Variants in PCDH11X observed in about 807,000 individuals in gnomAD.
The protein encoded by PCDH11X is protocadherin 11 X-linked.
Under a neutral mutation model 53.3 loss-of-function variants are expected in PCDH11X, and 18 were observed. The ratio of observed to expected loss-of-function variants is 0.34; its 90% CI spans 0.23 to 0.50. The LOEUF is 0.50. Among genes scored for constraint, PCDH11X ranks in the 20% least tolerant of loss-of-function variants. The pLI is 0.98. For synonymous variants in PCDH11X, 279 were observed against 393.3 expected (o/e 0.71, Z 3.44); for missense variants, 570 against 1,032.4 (o/e 0.55, Z 6.14).
At chrX:92,421,070 G>A (rs919478708) in intron 9 of PCDH11X, among the ~76,000 whole-genome samples, 4 of 111,147 alleles carry the variant, frequency 3.6e-5, no homozygotes, top group East Asian at 2.8e-4. Flanking sequence ...TGTCATCTCC[G>A]TTCTGCTCTC....
intron 6 of PCDH11X, among the ~76,000 whole-genome samples, chrX:91,931,841 G>A (rs962295587): frequency 1.3e-4 from 14 of 110,582 alleles, no homozygotes; most frequent in South Asian, 7.6e-4. Context: ...TTTATTTTAC[G>A]TTCCAGGGTG....
At chrX:92,582,848 G>A in intron 10 of PCDH11X, among the ~76,000 whole-genome samples, 1 of 109,145 alleles carries the variant, frequency 9.2e-6, no homozygotes, top group Non-Finnish European at 1.9e-5. Context: ...TCTTGCATTA[G>A]CGTGACCTGG....
At chrX:92,533,806 G>T (rs2074604965) in intron 10 of PCDH11X, among the ~76,000 whole-genome samples, 1 of 103,526 alleles carries the variant, frequency 9.7e-6, no homozygotes, top group African/African-American at 3.6e-5. Context: ...TGCAGCTGAG[G>T]GTCCTGACTG....
intron 8 of PCDH11X, among the ~76,000 whole-genome samples, chrX:92,387,416 T>C (rs1204572285): frequency 8.9e-6 from 1 of 112,378 alleles, no homozygotes; most frequent in Non-Finnish European, 1.9e-5. Context: ...AATAAATACA[T>C]GTTAAAATTA....
At chrX:92,449,535 C>A (rs2072734937) in intron 9 of PCDH11X, among the ~76,000 whole-genome samples, 1 of 111,148 alleles carries the variant, frequency 9.0e-6, no homozygotes, top group African/African-American at 3.3e-5. Context: ...TACACAAATA[C>A]CCCATTTTAA....
chrX:92,357,421 C>A (rs2070236792), intron 8 of PCDH11X, among the ~76,000 whole-genome samples: 1 of 110,555 alleles, frequency 9.0e-6, no homozygotes, highest in African/African-American at 3.3e-5. Context: ...TTTGTTCCTA[C>A]CAAAATTCAT....
chrX:91,983,339 C>A (rs2062174261), intron 6 of PCDH11X: 6 of 1,094,382 alleles, frequency 5.5e-6, no homozygotes, highest in Middle Eastern at 3.3e-4. Context: ...TTCCAGACTG[C>A]CCGTCACTTT....
At chrX:92,235,475 A>T (rs774759489) in intron 7 of PCDH11X, among the ~76,000 whole-genome samples, 1 of 110,812 alleles carries the variant, frequency 9.0e-6, no homozygotes. Context: ...TCGAAAGCCC[A>T]CTCTCTCTTT....
intron 10 of PCDH11X, among the ~76,000 whole-genome samples, chrX:92,557,327 C>T (rs745494686): frequency 9.0e-6 from 1 of 110,824 alleles, no homozygotes; most frequent in Admixed American, 9.6e-5. Flanking sequence ...ATTTTCCAAA[C>T]GTTTATGCTC....
At chrX:92,090,891 A>G (rs1454005940) in intron 6 of PCDH11X, among the ~76,000 whole-genome samples, 1 of 112,182 alleles carries the variant, frequency 8.9e-6, no homozygotes, top group Non-Finnish European at 1.9e-5. Context: ...GAAGTTCGTG[A>G]GAGCAGTTCA....
At chrX:92,449,589 A>G (rs1231970193) in intron 9 of PCDH11X, among the ~76,000 whole-genome samples, 1 of 111,916 alleles carries the variant, frequency 8.9e-6, no homozygotes, top group Non-Finnish European at 1.9e-5. Flanking sequence ...TATTTGCACA[A>G]ATTTCACAAA....
intron 6 of PCDH11X, among the ~76,000 whole-genome samples, chrX:92,101,792 G>A (rs2064258981): frequency 9.0e-6 from 1 of 110,599 alleles, no homozygotes; most frequent in Non-Finnish European, 1.9e-5. Flanking sequence ...CCTTGAGCTT[G>A]ATGTGTAGGG....
intron 10 of PCDH11X, among the ~76,000 whole-genome samples, chrX:92,598,065 G>C (rs1925824385): frequency 9.0e-6 from 1 of 111,463 alleles, no homozygotes; most frequent in Non-Finnish European, 1.9e-5. Flanking sequence ...ACCTCAAACT[G>C]TGAAACCATT....
intron 8 of PCDH11X, among the ~76,000 whole-genome samples, chrX:92,295,912 T>G (rs2068598166): frequency 9.2e-6 from 1 of 109,142 alleles, no homozygotes; most frequent in Non-Finnish European, 1.9e-5. Context: ...AAACCTCATC[T>G]CTACTAAAAA....
intron 8 of PCDH11X, among the ~76,000 whole-genome samples, chrX:92,342,290 A>T (rs1312611312): frequency 9.0e-6 from 1 of 110,606 alleles, no homozygotes; most frequent in African/African-American, 3.3e-5. Context: ...TATCAAACAA[A>T]CAAACAAACA....
chrX:92,017,902 G>T (rs1295793206), intron 6 of PCDH11X, among the ~76,000 whole-genome samples: 2 of 99,796 alleles, frequency 2.0e-5, no homozygotes, highest in African/African-American at 7.5e-5. Context: ...GAAGCACAAC[G>T]AAATGAAGCA....
chrX:91,883,882 C>T (rs2147746796), intron 6 of PCDH11X: 1 of 749,356 alleles, frequency 1.3e-6, no homozygotes, highest in South Asian at 6.9e-5. Flanking sequence ...TGTTCCACTC[C>T]TTTTAATTAT....
intron 9 of PCDH11X, among the ~76,000 whole-genome samples, chrX:92,412,079 G>A (rs1569482839): frequency 2.2e-5 from 2 of 89,704 alleles, no homozygotes; most frequent in Non-Finnish European, 4.3e-5. Context: ...AGGAGGAGGA[G>A]GAGGAAGAAG....
At chrX:92,246,952 C>G (rs953802552) in intron 7 of PCDH11X, among the ~76,000 whole-genome samples, 1 of 111,401 alleles carries the variant, frequency 9.0e-6, no homozygotes, top group Non-Finnish European at 1.9e-5. Flanking sequence ...TGTTGTTATT[C>G]CAATTTTACA....
Sources: allele counts gnomAD v4.1 joint callset (sites outside exome capture counted in the v4.1 genomes callset), GRCh38; gene constraint gnomAD v4.1.1; transcripts MANE v1.5; gene names NCBI Gene and HGNC (gene_info 2026-07-23, HGNC 2026-07-21).